Variants in DNAH9 observed in about 807,000 individuals in gnomAD.
The protein encoded by DNAH9 is dynein axonemal heavy chain 9, also known as DNAH9 variant protein.
A neutral mutation model predicts 471.6 loss-of-function variants in DNAH9; 345 were observed. That is an observed-to-expected ratio of 0.73 (90% confidence interval 0.67 to 0.80). The LOEUF (loss-of-function observed/expected upper bound fraction) is 0.80, where lower values mean the gene tolerates loss of function less well. DNAH9 is among the 30% of genes least tolerant of loss of function. The pLI, the probability that DNAH9 is intolerant of heterozygous loss-of-function variation, is 0.00. For synonymous variants in DNAH9, 2,093 were observed against 2,123.6 expected (o/e 0.99, Z 0.40); for missense variants, 5,407 against 5,609.2 (o/e 0.96, Z 1.15).
At chr17:11,836,240 C>T (rs1157142501) in intron 49 of DNAH9, among the ~76,000 whole-genome samples, 1 of 152,156 alleles carries the variant, frequency 6.6e-6, no homozygotes, top group Admixed American at 6.5e-5. Context: ...CTGAAACCTT[C>T]TTGAATTCTG....
Position 11,667,298 on chromosome 17 carries a change from AG to A in DNAH9, c.2732-1765del, listed in dbSNP as rs1163754663. ...ATAAGCTATACTATTTTATAAACAT[AG>A]TAGTTTTTATAAACTATACCATCTT... is the stretch of plus-strand genomic sequence containing the variant. On this transcript the variant is annotated intron_variant, in intron 15 of 68. Coordinates refer to ENST00000262442, the MANE Select transcript of DNAH9 (RefSeq NM_001372.4). 5.3e-5 allele frequency among the ~76,000 whole-genome samples: 8 copies of A among 152,238 alleles called. No individual in the cohort carries two copies. The East Asian group carries it at 1.2e-3, about 22-fold the overall frequency.
At chr17:11,859,720 G>A (rs1017339243) in intron 50 of DNAH9, among the ~76,000 whole-genome samples, 5 of 152,130 alleles carry the variant, frequency 3.3e-5, no homozygotes, top group African/African-American at 1.2e-4. Flanking sequence ...TGGCAAGAGC[G>A]GGAGCAAGAG....
intron 4 of DNAH9, among the ~76,000 whole-genome samples, chr17:11,616,238 G>A (rs576204380): frequency 7.9e-5 from 12 of 152,196 alleles, no homozygotes; most frequent in Middle Eastern, 3.4e-3. Context: ...TGGTTTGCAG[G>A]GCTTTCTGTG....
chr17:11,751,209 A>G (rs938860632), intron 32 of DNAH9, among the ~76,000 whole-genome samples: 1 of 151,976 alleles, frequency 6.6e-6, no homozygotes, highest in Non-Finnish European at 1.5e-5. Flanking sequence ...AAAAGTTAAA[A>G]AAGAGTAGAG....
intron 49 of DNAH9, among the ~76,000 whole-genome samples, chr17:11,850,585 A>G (rs546281910): frequency 6.7e-6 from 1 of 149,306 alleles, no homozygotes; most frequent in Admixed American, 6.8e-5. Context: ...CGGGAGGTGG[A>G]GGTTGCAGTG....
In DNAH9 at chr17:11,669,704, A is replaced by G. The variant is rs761221725; in HGVS notation, c.3263A>G (p.Asp1088Gly). The G allele has an allele frequency of 6.2e-7, 1 of 1,614,134 alleles. No homozygotes were observed. Among genetic ancestry groups the G allele is most frequent in the South Asian group, 1.1e-5 (1 of 91,084 alleles). Residue 1088 changes from aspartate to glycine, a missense_variant, in exon 17 of 69, where the codon GAT becomes GGT. By Grantham distance (94) the Asp-to-Gly change is moderately conservative (BLOSUM62 -1). This residue lies in a region of DNAH9 where 4,636 missense variants were observed against 4,900.3 expected (regional missense o/e 0.95). Coordinates refer to ENST00000262442, the MANE Select transcript of DNAH9 (RefSeq NM_001372.4). ...GTGTTTGACGGCTGGATGAAAATTG[A>G]TATTCGACCCTTTAAGGCATCTCTG... The part of the protein sequence containing the change: ...IKVFDGWMKI[D>G]IRPFKASLLN...
chr17:11,865,526 T>C (rs972871635), intron 50 of DNAH9, among the ~76,000 whole-genome samples: 1 of 152,162 alleles, frequency 6.6e-6, no homozygotes, highest in African/African-American at 2.4e-5. Context: ...AGGCGTATCT[T>C]TGTGGCGTTC....
At chr17:11,948,134 G>A (rs1975206818) in intron 67 of DNAH9, among the ~76,000 whole-genome samples, 1 of 151,392 alleles carries the variant, frequency 6.6e-6, no homozygotes, top group Admixed American at 6.6e-5. Flanking sequence ...GTGGTTGATT[G>A]CCCCTCCTGA....
chr17:11,642,902 GGA>G, intron 10 of DNAH9, among the ~76,000 whole-genome samples: 1 of 151,834 alleles, frequency 6.6e-6, no homozygotes, highest in Non-Finnish European at 1.5e-5. Context: ...GTAATCAGGG[GGA>G]AAAAAAAACG....
chr17:11,848,029 A>G (rs546411462), intron 49 of DNAH9, among the ~76,000 whole-genome samples: 1 of 152,200 alleles, frequency 6.6e-6, no homozygotes, highest in African/African-American at 2.4e-5. Context: ...CCTCAAGCCC[A>G]GAGTGGAACT....
chr17:11,852,770 C>T (rs1032693284), intron 49 of DNAH9, among the ~76,000 whole-genome samples: 4 of 132,346 alleles, frequency 3.0e-5, no homozygotes, highest in South Asian at 2.4e-4. Flanking sequence ...GCATGGCAAC[C>T]GGCAGTATAT....
chr17:11,794,881 A>G (rs1366790210), intron 42 of DNAH9, among the ~76,000 whole-genome samples: 2 of 142,680 alleles, frequency 1.4e-5, no homozygotes, highest in Non-Finnish European at 3.0e-5. Context: ...AACGTTCTGC[A>G]CTTGGACACA....
chr17:11,759,790 T>A (rs1967587943), intron 35 of DNAH9, among the ~76,000 whole-genome samples: 1 of 151,482 alleles, frequency 6.6e-6, no homozygotes, highest in Non-Finnish European at 1.5e-5. Flanking sequence ...GGGTTCAAGC[T>A]ATTCTCCTGC....
intron 50 of DNAH9, among the ~76,000 whole-genome samples, chr17:11,866,973 C>T (rs1343916628): frequency 6.6e-6 from 1 of 152,228 alleles, no homozygotes; most frequent in Admixed American, 6.5e-5. Flanking sequence ...TTGTGCTTCC[C>T]GAGCGAGGCA....
Position 11,887,500 on chromosome 17 carries a change from C to A in DNAH9, c.11112+535C>A, listed in dbSNP as rs547382057. 2.6e-5 allele frequency among the ~76,000 whole-genome samples: 4 copies of A among 152,238 alleles called. No homozygotes were observed. The South Asian group carries it at 8.3e-4, about 32-fold the overall frequency. On this transcript the variant is annotated intron_variant, in intron 57 of 68. Transcript: ENST00000262442. ...AATTGTAAGTGCTGACTAAACTTAT[C>A]TTACTCATGAAAAAATAAAGACCTA...
chr17:11,636,029 CACTCT>C (rs1295615491), intron 8 of DNAH9, among the ~76,000 whole-genome samples: 1 of 151,748 alleles, frequency 6.6e-6, no homozygotes, highest in Non-Finnish European at 1.5e-5. Context: ...GACAGAGTCT[CACTCT>C]GTCGCCCAGG....
chr17:11,852,345 C>T (rs745484682), intron 49 of DNAH9, among the ~76,000 whole-genome samples: 2 of 152,118 alleles, frequency 1.3e-5, no homozygotes, highest in Non-Finnish European at 2.9e-5. Context: ...GGGAGCTGGG[C>T]GTGGGAGTCT....
At chr17:11,936,590 CTACTG>C (rs1028221537) in intron 65 of DNAH9, among the ~76,000 whole-genome samples, 2 of 152,094 alleles carry the variant, frequency 1.3e-5, no homozygotes, top group Non-Finnish European at 2.9e-5. Flanking sequence ...GCTGTGTACT[CTACTG>C]TACACTACTG....
intron 41 of DNAH9, among the ~76,000 whole-genome samples, chr17:11,791,389 C>T (rs2010253): frequency 0.54 from 82,210 of 151,946 alleles, 22,801 homozygotes; most frequent in Non-Finnish European, 0.6. Context: ...TGCCATCACC[C>T]GGAAGAAGCA....
Sources: gnomAD v4.1 joint callset for allele counts (sites outside exome capture counted in the v4.1 genomes callset) on GRCh38, gnomAD v4.1.1 for gene constraint, gnomAD v4.1.1 regional missense constraint, MANE v1.5 for transcripts, NCBI Gene and HGNC (gene_info 2026-07-23, HGNC 2026-07-21) for gene names.